PLCL1: variants seen among roughly 807,000 people sequenced by gnomAD.
The protein encoded by PLCL1 is inactive phospholipase C-like protein 1.
A neutral mutation model predicts 84.4 loss-of-function variants in PLCL1; 41 were observed. The ratio of observed to expected loss-of-function variants is 0.49; its 90% CI spans 0.38 to 0.63. The LOEUF is 0.63. Ranked by LOEUF, PLCL1 falls within the 30% of genes least tolerant of loss-of-function variation. The pLI, the probability that PLCL1 is intolerant of heterozygous loss-of-function variation, is 0.00. For synonymous variants in PLCL1, 490 were observed against 488.3 expected (o/e 1.00, Z -0.05); for missense variants, 1,206 against 1,367.8 (o/e 0.88, Z 1.87).
At chr2:197,836,433 C>A (rs1418111095) in intron 1 of PLCL1, among the ~76,000 whole-genome samples, 1 of 106,210 alleles carries the variant, frequency 9.4e-6, no homozygotes, top group Non-Finnish European at 1.7e-5. Context: ...GGCGACAGAG[C>A]GAGACTCCGT....
chr2:197,845,217 A>G (rs1470537101), intron 1 of PLCL1, among the ~76,000 whole-genome samples: 1 of 152,148 alleles, frequency 6.6e-6, no homozygotes, highest in African/African-American at 2.4e-5. Flanking sequence ...CATACAATTT[A>G]TTCAGGAAAA....
intron 1 of PLCL1, among the ~76,000 whole-genome samples, chr2:198,035,578 G>A (rs1269312849): frequency 6.6e-6 from 1 of 152,178 alleles, no homozygotes; most frequent in Non-Finnish European, 1.5e-5. Flanking sequence ...CCAGCTCCAA[G>A]GGGCTCCTAC....
At chr2:198,139,673 G>A (rs532969931) in intron 5 of PLCL1, among the ~76,000 whole-genome samples, 104 of 152,226 alleles carry the variant, frequency 6.8e-4, no homozygotes, top group African/African-American at 2.3e-3. Flanking sequence ...GCCTTACAAA[G>A]TATTTGTTTC....
At chr2:197,866,587 A>C (rs1050700893) in intron 1 of PLCL1, among the ~76,000 whole-genome samples, 2 of 152,082 alleles carry the variant, frequency 1.3e-5, no homozygotes, top group African/African-American at 4.8e-5. Context: ...TAGGGAATTA[A>C]TATGCTTGCT....
chr2:197,830,518 T>C (rs2105654834), intron 1 of PLCL1, among the ~76,000 whole-genome samples: 1 of 152,086 alleles, frequency 6.6e-6, no homozygotes, highest in East Asian at 1.9e-4. Flanking sequence ...AATATGGGAC[T>C]ATGTGAAAAG....
chr2:197,935,079 C>T (rs137881503), intron 1 of PLCL1, among the ~76,000 whole-genome samples: 1,861 of 152,076 alleles, frequency 0.012, 48 homozygotes, highest in African/African-American at 0.042. Flanking sequence ...AAAACCACAA[C>T]GAGATACCAT....
intron 5 of PLCL1, 26 bp downstream of exon 5, chr2:198,103,962 T>C: frequency 8.5e-7 from 1 of 1,176,128 alleles, no homozygotes; most frequent in Non-Finnish European, 1.2e-6. Context: ...AGATGTCCCC[T>C]GTGCCTTTAC....
At position 198,083,926 on chromosome 2, in the gene PLCL1, C is replaced by T; in HGVS notation, c.409C>T (p.Leu137=). 1 of 1,614,088 alleles carries T rather than the reference C, an allele frequency of 6.2e-7. No individual in the cohort carries two copies. Among genetic ancestry groups the T allele is most frequent in the Non-Finnish European group, 8.5e-7 (1 of 1,179,984 alleles). ...TCGCATTTACAACCGTTTTTTCACT[C>T]TGGACACAGACCTTCAAGCTCTTCG... ...NSRIYNRFFT[L]DTDLQALRWE... The change falls in exon 2 of 6, where the codon CTG becomes TTG. Residue 137 remains leucine, a synonymous_variant. Transcript: ENST00000428675.
chr2:198,104,279 A>G (rs1693416559), intron 5 of PLCL1, among the ~76,000 whole-genome samples: 1 of 151,862 alleles, frequency 6.6e-6, no homozygotes, highest in African/African-American at 2.4e-5. Flanking sequence ...CTTATAAGTG[A>G]GAATATATAG....
chr2:197,823,822 T>A lies in PLCL1; in HGVS notation c.240+18483T>A, dbSNP rs568183355. Among the ~76,000 whole-genome samples, 111 of 152,236 alleles carry A rather than the reference T, an allele frequency of 7.3e-4. 1 individual carries two copies. The highest frequency in any genetic ancestry group is 2.6e-3 in the African/African-American group (109 of 41,550). ...TAGTTACTTGTTTTACGCTTCAAAT[T>A]TCTTCCAAAAAAGTTCTGTAAACCA... is the stretch of plus-strand genomic sequence containing the variant. On this transcript the variant is annotated intron_variant, in intron 1 of 5. Transcript: ENST00000428675.
At chr2:198,122,743 T>C (rs965425986) in intron 5 of PLCL1, among the ~76,000 whole-genome samples, 8 of 152,142 alleles carry the variant, frequency 5.3e-5, no homozygotes, top group Non-Finnish European at 7.4e-5. Flanking sequence ...ACTGAATTTG[T>C]TCCAGTTTTA....
chr2:197,903,891 C>T (rs1688324813), intron 1 of PLCL1, among the ~76,000 whole-genome samples: 1 of 150,910 alleles, frequency 6.6e-6, no homozygotes, highest in African/African-American at 2.4e-5. Context: ...CAATCTCCGC[C>T]TCCTGGGTTC....
In PLCL1 at chr2:198,103,922, A is replaced by G. The variant is rs776928438; in HGVS notation, c.3091A>G (p.Ile1031Val). 1 of 1,590,056 alleles carries G rather than the reference A, an allele frequency of 6.3e-7. No homozygotes were observed. The highest frequency in any genetic ancestry group is 8.6e-7 in the Non-Finnish European group (1 of 1,162,576). ...AGCAACTGAGAGCTTTGCTTGGAAC[A>G]TTACAGTATTGAAGGTAGATGAAAC... ...NKATESFAWN[I>V]TVLKGQGDLL... The change falls in exon 5 of 6, where the codon ATT (isoleucine) becomes GTT (valine). Residue 1031 changes from isoleucine (I) to valine (V), a missense_variant. Ile to Val is a conservative substitution (Grantham distance 29). Transcript: ENST00000428675.
At position 197,877,893 on chromosome 2, in the gene PLCL1, A is replaced by G. The variant is rs185782032; in HGVS notation, c.240+72554A>G. Among the ~76,000 whole-genome samples the G allele has an allele frequency of 3.5e-3, 537 of 152,226 alleles. 5 individuals carry two copies. Among genetic ancestry groups the G allele is most frequent in the Non-Finnish European group, 5.0e-3 (338 of 67,986 alleles). ...TCTTAAAATTGTGTGCAAATGTAGT[A>G]AATCAAAGCCATTTTTCAGGAGTAA... On this transcript the variant is annotated intron_variant, in intron 1 of 5. Coordinates refer to ENST00000428675, the MANE Select transcript of PLCL1 (RefSeq NM_006226.4).
intron 1 of PLCL1, among the ~76,000 whole-genome samples, chr2:198,025,120 G>T (rs903437016): frequency 1.3e-5 from 2 of 151,686 alleles, no homozygotes; most frequent in Admixed American, 1.3e-4. Context: ...TCTAAAACTT[G>T]TACATGATTC....
chr2:197,911,875 TC>T (rs1688490767), intron 1 of PLCL1, among the ~76,000 whole-genome samples: 1 of 152,160 alleles, frequency 6.6e-6, no homozygotes, highest in African/African-American at 2.4e-5. Flanking sequence ...GGAGAAACAT[TC>T]CCGACCCCCT....
In PLCL1 at chr2:198,143,128, C is replaced by T. The variant is rs527544035; in HGVS notation, c.3106-3652C>T. ...TTACTCTTTAAATATATACTATAGA[C>T]GAATACCTTTAAATGGCTTGGCTGA... On this transcript the variant is annotated intron_variant, in intron 5 of 5. Transcript: ENST00000428675. Among the ~76,000 whole-genome samples the T allele has an allele frequency of 5.9e-5, 9 of 152,168 alleles. No individual in the cohort carries two copies. The East Asian group carries it at 9.7e-4, about 16-fold the overall frequency.
At chr2:197,875,232 GCCAAGAT>G (rs1687713445) in intron 1 of PLCL1, among the ~76,000 whole-genome samples, 1 of 152,022 alleles carries the variant, frequency 6.6e-6, no homozygotes, top group Non-Finnish European at 1.5e-5. Context: ...GTTGCAGTGA[GCCAAGAT>G]CACACCACTG....
At chr2:197,937,864 T>C (rs1022507285) in intron 1 of PLCL1, among the ~76,000 whole-genome samples, 4 of 152,184 alleles carry the variant, frequency 2.6e-5, no homozygotes, top group Admixed American at 2.0e-4. Context: ...GGATTTTTTT[T>C]CCATGTACAG....
Sources: gnomAD v4.1 joint callset for allele counts (sites outside exome capture counted in the v4.1 genomes callset) on GRCh38, gnomAD v4.1.1 for gene constraint, MANE v1.5 for transcripts, NCBI Gene and HGNC (gene_info 2026-07-23, HGNC 2026-07-21) for gene names.